The following B3GLCT variants were observed in gnomAD, a reference collection of about 807,000 sequenced individuals.
B3GLCT encodes the protein beta 3-glucosyltransferase.
Under a neutral mutation model 63.4 loss-of-function variants are expected in B3GLCT, and 65 were observed. The observed-to-expected ratio is 1.03, with a 90% CI of 0.84 to 1.26. The LOEUF (loss-of-function observed/expected upper bound fraction) is 1.26, where lower values mean the gene tolerates loss of function less well. Ranked by LOEUF, B3GLCT falls within the 50% of genes most tolerant of loss-of-function variation. The pLI is 0.00. For synonymous variants in B3GLCT, 233 were observed against 219.2 expected (o/e 1.06, Z -0.55); for missense variants, 577 against 604.8 (o/e 0.95, Z 0.48).
In B3GLCT at chr13:31,240,138, T is replaced by TA. The variant is rs201632339; in HGVS notation, c.271-6876dup. Among the ~76,000 whole-genome samples the TA allele has an allele frequency of 8.0e-3, 1,216 of 151,334 alleles. 19 individuals are homozygous for TA. The highest frequency in any genetic ancestry group is 0.028 in the African/African-American group (1,172 of 41,302). ...AACCTGCAAATACTGCCCCCCTCTC[T>TA]AAAAAAAAATCAGAAGTCAGGATGC... On this transcript the variant is annotated intron_variant, in intron 4 of 14. Transcript: ENST00000343307.
At chr13:31,227,894 G>C (rs76003303) in intron 3 of B3GLCT, among the ~76,000 whole-genome samples, 6,339 of 152,310 alleles carry the variant, frequency 0.042, 149 homozygotes, top group Non-Finnish European at 0.05. Flanking sequence ...AATTTACGTG[G>C]CACCTTCCTC....
At chr13:31,260,741 T>G (rs1225800050) in intron 6 of B3GLCT, among the ~76,000 whole-genome samples, 1 of 152,208 alleles carries the variant, frequency 6.6e-6, no homozygotes. Context: ...GATCTTGAAC[T>G]ACTTTTTTGT....
At chr13:31,204,949 A>G (rs762137947) in intron 1 of B3GLCT, among the ~76,000 whole-genome samples, 2 of 152,188 alleles carry the variant, frequency 1.3e-5, no homozygotes, top group Non-Finnish European at 2.9e-5. Flanking sequence ...AAACAGTTTT[A>G]TGTGGTTCAA....
At chr13:31,325,345 C>G (rs1875554934) in intron 14 of B3GLCT, among the ~76,000 whole-genome samples, 1 of 152,180 alleles carries the variant, frequency 6.6e-6, no homozygotes, top group Non-Finnish European at 1.5e-5. Flanking sequence ...GCGGTTCCCT[C>G]TCTTGCTCTG....
At chr13:31,257,770 T>G (rs1332403080) in intron 6 of B3GLCT, among the ~76,000 whole-genome samples, 1 of 152,192 alleles carries the variant, frequency 6.6e-6, no homozygotes, top group Non-Finnish European at 1.5e-5. Context: ...CTTAGGGTAC[T>G]TGATTCATAT....
intron 4 of B3GLCT, among the ~76,000 whole-genome samples, chr13:31,238,496 A>G (rs1425276192): frequency 1.3e-5 from 2 of 152,228 alleles, no homozygotes; most frequent in African/African-American, 2.4e-5. Flanking sequence ...GTTCTATTCT[A>G]TGTGCAGAGT....
At chr13:31,267,343 G>GA (rs1181518309) in intron 7 of B3GLCT, among the ~76,000 whole-genome samples, 2 of 152,214 alleles carry the variant, frequency 1.3e-5, no homozygotes, top group African/African-American at 4.8e-5. Flanking sequence ...TTTGGAGCCT[G>GA]AATGAAATGA....
chr13:31,298,357 A>G (rs1874058547), intron 12 of B3GLCT, among the ~76,000 whole-genome samples: 1 of 152,236 alleles, frequency 6.6e-6, no homozygotes, highest in Non-Finnish European at 1.5e-5. Context: ...TCCATCATTA[A>G]TAACTAGTCT....
intron 13 of B3GLCT, among the ~76,000 whole-genome samples, chr13:31,320,455 G>C (rs1317311286): frequency 6.6e-6 from 1 of 152,148 alleles, no homozygotes; most frequent in Non-Finnish European, 1.5e-5. Context: ...TGGCTGTCTT[G>C]CTACTCCCCT....
At chr13:31,315,362 A>C (rs1452279856) in intron 12 of B3GLCT, among the ~76,000 whole-genome samples, 2 of 152,182 alleles carry the variant, frequency 1.3e-5, no homozygotes, top group Non-Finnish European at 2.9e-5. Context: ...CTTATTGGGA[A>C]CTGGAGCAAA....
intron 12 of B3GLCT, among the ~76,000 whole-genome samples, chr13:31,294,484 T>TA (rs1254157125): frequency 6.6e-6 from 1 of 152,232 alleles, no homozygotes. Context: ...CATAGTCCCA[T>TA]ATTTCTTGGA....
intron 12 of B3GLCT, among the ~76,000 whole-genome samples, chr13:31,299,603 C>T (rs1874126797): frequency 6.6e-6 from 1 of 152,112 alleles, no homozygotes; most frequent in African/African-American, 2.4e-5. Flanking sequence ...GTGGAGAGAA[C>T]AGTTCTTATT....
chr13:31,271,198 C>G (rs1040490408), intron 8 of B3GLCT, among the ~76,000 whole-genome samples: 1 of 152,256 alleles, frequency 6.6e-6, no homozygotes, highest in African/African-American at 2.4e-5. Flanking sequence ...CAGAGATTCT[C>G]TGGGGGCCCT....
At chr13:31,230,964 C>T (rs754077700) in intron 4 of B3GLCT, among the ~76,000 whole-genome samples, 12 of 151,970 alleles carry the variant, frequency 7.9e-5, no homozygotes, top group Non-Finnish European at 1.2e-4. Context: ...ACTGAGATCG[C>T]GCCACTGCCC....
chr13:31,252,288 T>C (rs557373436), intron 6 of B3GLCT, among the ~76,000 whole-genome samples: 2 of 152,254 alleles, frequency 1.3e-5, no homozygotes, highest in Non-Finnish European at 2.9e-5. Flanking sequence ...AGACCATTGA[T>C]GCTATGAAGA....
intron 1 of B3GLCT, among the ~76,000 whole-genome samples, chr13:31,203,567 G>A (rs764447662): frequency 2.0e-5 from 3 of 152,178 alleles, no homozygotes; most frequent in Non-Finnish European, 4.4e-5. Flanking sequence ...TTTTTTTGGT[G>A]TGTTTTACTA....
intron 12 of B3GLCT, among the ~76,000 whole-genome samples, chr13:31,302,322 A>C (rs1874262401): frequency 6.6e-6 from 1 of 152,000 alleles, no homozygotes; most frequent in African/African-American, 2.4e-5. Flanking sequence ...CCCGGGGAGG[A>C]GCCAAGATGG....
intron 1 of B3GLCT, among the ~76,000 whole-genome samples, chr13:31,202,418 G>A (rs577738527): frequency 1.3e-5 from 2 of 152,292 alleles, no homozygotes; most frequent in Admixed American, 6.5e-5. Context: ...TGAACAGGGC[G>A]AATGGACTGG....
rs9542307 is a variant in B3GLCT at position 31,247,119 on chromosome 13, C to G, written c.347+20C>G. ...ACCGCAGTACGTTTGTTTAACTCACCTGTGAATTACTGACATTCCTACCTG... is the reference window on the plus strand; with the variant it reads ...ACCGCAGTACGTTTGTTTAACTCACGTGTGAATTACTGACATTCCTACCTG... On this transcript the variant is annotated intron_variant, in intron 5 of 14. Transcript: ENST00000343307. The G allele has an allele frequency of 0.42, 667,855 of 1,576,512 alleles. 148,897 individuals are homozygous for G. Among genetic ancestry groups the G allele is most frequent in the Non-Finnish European group, 0.47 (542,661 of 1,146,990 alleles).
Sources: allele counts gnomAD v4.1 joint callset (sites outside exome capture counted in the v4.1 genomes callset), GRCh38; gene constraint gnomAD v4.1.1; transcripts MANE v1.5; gene names NCBI Gene and HGNC (gene_info 2026-07-23, HGNC 2026-07-21).